DLGAP1: variants seen among roughly 807,000 people sequenced by gnomAD.
DLGAP1 encodes the protein DLG associated protein 1.
In DLGAP1, 11 loss-of-function variants were observed where a neutral mutation model predicts 90.8. The ratio of observed to expected loss-of-function variants is 0.12; its 90% CI spans 0.08 to 0.20. DLGAP1 has a LOEUF of 0.20. DLGAP1 is among the 10% of genes least tolerant of loss of function. The pLI is 1.00. For synonymous variants in DLGAP1, 558 were observed against 540.7 expected, an observed-to-expected ratio of 1.03 and a Z score of -0.44; for missense variants, 1,050 against 1,333.8, an observed-to-expected ratio of 0.79 and a Z score of 3.31.
intron 7 of DLGAP1, among the ~76,000 whole-genome samples, chr18:3,609,521 A>G (rs900612514): frequency 2.0e-5 from 3 of 152,228 alleles, no homozygotes; most frequent in Non-Finnish European, 4.4e-5. Flanking sequence ...TGCCTGGTGC[A>G]AATCCTGACC....
chr18:4,248,435 A>C (rs2078700301), intron 1 of DLGAP1: 2 of 152,166 alleles, frequency 1.3e-5, no homozygotes, highest in East Asian at 3.9e-4. Context: ...TTTTCCAGCA[A>C]ATCAGGCTCA....
chr18:3,832,861 GC>G (rs113960487), intron 4 of DLGAP1, among the ~76,000 whole-genome samples: 2,199 of 151,652 alleles, frequency 0.015, 23 homozygotes, highest in Non-Finnish European at 0.022. Flanking sequence ...CAGCTTAGGT[GC>G]CCCCCCCATC....
intron 7 of DLGAP1, chr18:3,721,859 T>C (rs543591483): frequency 1.3e-5 from 2 of 152,192 alleles, no homozygotes; most frequent in Non-Finnish European, 2.9e-5. Context: ...CATTTTTTTT[T>C]CTCTGTTTGA....
At chr18:3,760,135 T>G (rs968973840) in intron 5 of DLGAP1, among the ~76,000 whole-genome samples, 1 of 152,136 alleles carries the variant, frequency 6.6e-6, no homozygotes. Flanking sequence ...GGGTCCGACA[T>G]GTATTAGGCC....
At chr18:4,278,413 A>T (rs1315586891) in intron 1 of DLGAP1, among the ~76,000 whole-genome samples, 1 of 152,150 alleles carries the variant, frequency 6.6e-6, no homozygotes, top group East Asian at 1.9e-4. Flanking sequence ...GTACCCACTA[A>T]ATAATTTCTC....
At chr18:4,345,392 A>G (rs1191080585) in intron 1 of DLGAP1, among the ~76,000 whole-genome samples, 1 of 152,226 alleles carries the variant, frequency 6.6e-6, no homozygotes, top group Non-Finnish European at 1.5e-5. Flanking sequence ...GAAAAGATAC[A>G]TGGAAGTAAA....
chr18:3,515,297 C>T (rs917625113), intron 10 of DLGAP1, among the ~76,000 whole-genome samples: 6 of 151,100 alleles, frequency 4.0e-5, no homozygotes, highest in African/African-American at 1.2e-4. Flanking sequence ...GGTGAAACCC[C>T]GTCTCTGCTA....
At position 3,662,856 on chromosome 18, in the gene DLGAP1, G is replaced by T. The variant is rs1032942666; in HGVS notation, c.1591+66279C>A. Among the ~76,000 whole-genome samples, 77 of 152,204 alleles carry T rather than the reference G, an allele frequency of 5.1e-4. 1 individual carries two copies. The highest frequency in any genetic ancestry group is 1.8e-3 in the African/African-American group (74 of 41,442). ...TCCCATCCCTGTATTATCAGTATAC[G>T]TTGGACATATATGAGGCAAATACCT... On this transcript the variant is annotated intron_variant, in intron 7 of 12. Coordinates refer to ENST00000315677, the MANE Select transcript of DLGAP1 (RefSeq NM_004746.4).
At chr18:4,399,558 A>G (rs139460943) in intron 1 of DLGAP1, among the ~76,000 whole-genome samples, 5 of 152,306 alleles carry the variant, frequency 3.3e-5, no homozygotes, top group Non-Finnish European at 5.9e-5. Context: ...ATTTTTCACT[A>G]TTTTACAACG....
chr18:3,670,051 C>T (rs372856430), intron 7 of DLGAP1, among the ~76,000 whole-genome samples: 1 of 152,114 alleles, frequency 6.6e-6, no homozygotes, highest in African/African-American at 2.4e-5. Flanking sequence ...ACAAGGGAAC[C>T]TTTCCCATTT....
intron 7 of DLGAP1, among the ~76,000 whole-genome samples, chr18:3,633,548 T>C (rs372458642): frequency 6.6e-6 from 1 of 152,192 alleles, no homozygotes; most frequent in African/African-American, 2.4e-5. Context: ...TATATGTATG[T>C]ACAGTATATA....
At chr18:3,927,363 C>T (rs181687086) in intron 3 of DLGAP1, among the ~76,000 whole-genome samples, 3 of 152,344 alleles carry the variant, frequency 2.0e-5, no homozygotes, top group African/African-American at 7.2e-5. Context: ...AATTATGATA[C>T]AGTCCAGAGT....
chr18:3,733,128 A>G (rs2062506565), intron 6 of DLGAP1, among the ~76,000 whole-genome samples: 1 of 152,210 alleles, frequency 6.6e-6, no homozygotes, highest in Admixed American at 6.5e-5. Flanking sequence ...ACATATGATT[A>G]AAGAGCAAAC....
At chr18:3,527,923 A>T (rs2051753532) in intron 10 of DLGAP1, among the ~76,000 whole-genome samples, 1 of 152,200 alleles carries the variant, frequency 6.6e-6, no homozygotes, top group South Asian at 2.1e-4. Flanking sequence ...TAAAATAGAC[A>T]TAAGATTTGC....
chr18:3,813,855 T>G (rs1214681531), intron 5 of DLGAP1, among the ~76,000 whole-genome samples: 1 of 152,016 alleles, frequency 6.6e-6, no homozygotes, highest in African/African-American at 2.4e-5. Flanking sequence ...GGGTTCAGCT[T>G]ATGATCAATG....
At chr18:3,942,861 G>A (rs112319673) in intron 3 of DLGAP1, among the ~76,000 whole-genome samples, 4,025 of 152,086 alleles carry the variant, frequency 0.026, 65 homozygotes, top group African/African-American at 0.039. Flanking sequence ...TGGATATACC[G>A]TCTAGGGTTT....
chr18:4,348,723 C>T (rs984681354), intron 1 of DLGAP1, among the ~76,000 whole-genome samples: 5 of 151,984 alleles, frequency 3.3e-5, no homozygotes, highest in Non-Finnish European at 5.9e-5. Flanking sequence ...CTCAAAATTT[C>T]GTGGCATCAG....
intron 4 of DLGAP1, among the ~76,000 whole-genome samples, chr18:3,828,014 T>C (rs2148530648): frequency 6.6e-6 from 1 of 152,334 alleles, no homozygotes; most frequent in East Asian, 1.9e-4. Context: ...AAGTAATACT[T>C]CTTGAATTGG....
chr18:3,884,105 G>A (rs1333406832), intron 3 of DLGAP1, among the ~76,000 whole-genome samples: 1 of 152,274 alleles, frequency 6.6e-6, no homozygotes, highest in African/African-American at 2.4e-5. Context: ...GAAAACCTTG[G>A]GATTGCTTTG....
Sources: gnomAD v4.1 joint callset for allele counts (sites outside exome capture counted in the v4.1 genomes callset) on GRCh38, gnomAD v4.1.1 for gene constraint, MANE v1.5 for transcripts, NCBI Gene and HGNC (gene_info 2026-07-23, HGNC 2026-07-21) for gene names.